The following VRTN variants were observed in gnomAD, a reference collection of about 807,000 sequenced individuals.
VRTN encodes the protein vertebrae development associated, also known as vertnin.
Under a neutral mutation model 18.2 loss-of-function variants are expected in VRTN, and 5 were observed. The ratio of observed to expected loss-of-function variants is 0.27; its 90% CI spans 0.14 to 0.58. The LOEUF (loss-of-function observed/expected upper bound fraction) is 0.58. VRTN is among the 20% of genes least tolerant of loss of function. The pLI, the probability that VRTN is intolerant of heterozygous loss-of-function variation, is 0.91. For synonymous variants in VRTN, 381 were observed against 393.7 expected (o/e 0.97, Z 0.38); for missense variants, 741 against 939.4 (o/e 0.79, Z 2.76).
upstream of VRTN, among the ~76,000 whole-genome samples, chr14:74,343,642 A>G (rs2085623152): frequency 6.6e-6 from 1 of 152,142 alleles, no homozygotes; most frequent in South Asian, 2.1e-4. Flanking sequence ...CATTAAATGG[A>G]GTTCATGCTA....
intron 1 of VRTN, among the ~76,000 whole-genome samples, chr14:74,354,347 T>C (rs955377498): frequency 3.3e-5 from 5 of 152,102 alleles, no homozygotes; most frequent in African/African-American, 1.2e-4. Flanking sequence ...AGCTTAGTTA[T>C]AATGTGGAAT....
intron 1 of VRTN, among the ~76,000 whole-genome samples, chr14:74,350,759 G>C (rs1171171038): frequency 6.6e-6 from 1 of 152,108 alleles, no homozygotes; most frequent in East Asian, 1.9e-4. Context: ...AGATAGCGTA[G>C]GTGTGATGGA....
rs757052817 is a variant in VRTN, at chr14:74,357,006, C to A, written c.223C>A (p.Leu75Met). ...TCCAGAAGATGCTCCACGGAACATGCTGCCGCTGGTGTGCAAGGGGGAGGG... is the reference window on the plus strand; with the variant it reads ...TCCAGAAGATGCTCCACGGAACATGATGCCGCTGGTGTGCAAGGGGGAGGG... The part of the protein sequence containing the change: ...LYPEDAPRNM[L>M]PLVCKGEGSL... The change falls in exon 2 of 2, where the codon CTG becomes ATG. Residue 75 changes from leucine to methionine, a missense_variant. By Grantham distance (15) the Leu-to-Met change is conservative. Around this residue, in one of 3 missense-constraint regions of VRTN, gnomAD observed 186 missense variants for 288.3 expected, o/e 0.65. Coordinates refer to ENST00000256362, the MANE Select transcript of VRTN (RefSeq NM_018228.3). This position sits in a 1 kb window ranked among gnomAD's most constrained non-coding sequence, Gnocchi z 7.8. 6.2e-7 allele frequency: 1 copy of A among 1,610,150 alleles called. No individual in the cohort carries two copies. Among genetic ancestry groups the A allele is most frequent in the Non-Finnish European group, 8.5e-7 (1 of 1,177,954 alleles).
At chr14:74,336,010 G>T (rs2085561519) in intron 1 of VRTN, among the ~76,000 whole-genome samples, 1 of 151,522 alleles carries the variant, frequency 6.6e-6, no homozygotes, top group African/African-American at 2.4e-5. Flanking sequence ...CAAAGTGCTG[G>T]TATTACAGGT....
chr14:74,344,750 A>AAAAAAAAAAT (rs1410658975), upstream of VRTN, among the ~76,000 whole-genome samples: 1 of 128,054 alleles, frequency 7.8e-6, no homozygotes. Flanking sequence ...AAAAAAAATG[A>AAAAAAAAAAT]AAAAAAGAAA....
rs67822776 is a variant in VRTN at position 74,303,843 on chromosome 14, A to ATTTTTTTTTTTTTT, written c.-164+679_-164+692dup. ...TAGGTCAATCAGTTGACAATTACAG[A>ATTTTTTTTTTTTTT]TTTTTTTTTTTTTTTTTTTTTTTTT... On this transcript the variant is annotated intron_variant, in intron 1 of 2. Transcript: ENST00000557177. Among the ~76,000 whole-genome samples the ATTTTTTTTTTTTTT allele has an allele frequency of 5.0e-4, 44 of 88,498 alleles. 2 individuals are homozygous for ATTTTTTTTTTTTTT. The highest frequency in any genetic ancestry group is 2.1e-3 in the African/African-American group (41 of 19,342). The allele number at this position is 88,498 out of a possible 152,430, so 58.1% of individuals were successfully genotyped here. A position where few individuals can be genotyped will look rare whatever the true frequency, so the allele number is the denominator to read the frequency against.
intron 1 of VRTN, among the ~76,000 whole-genome samples, chr14:74,349,660 C>A (rs949587020): frequency 6.6e-6 from 1 of 152,178 alleles, no homozygotes; most frequent in African/African-American, 2.4e-5. Context: ...CTTGGCCCAC[C>A]CAGATTCCTG....
upstream of VRTN, among the ~76,000 whole-genome samples, chr14:74,347,330 G>A (rs959737532): frequency 3.3e-5 from 5 of 152,226 alleles, no homozygotes; most frequent in Non-Finnish European, 5.9e-5. Flanking sequence ...ATTCCTGGTG[G>A]GTGGGGCGGG....
chr14:74,334,254 C>G (rs2085549261), intron 1 of VRTN, among the ~76,000 whole-genome samples: 2 of 152,182 alleles, frequency 1.3e-5, no homozygotes, highest in African/African-American at 4.8e-5. Context: ...CTAGGCTGGG[C>G]ACAGTGGCTC....
chr14:74,347,022 C>T (rs1386064156), upstream of VRTN, among the ~76,000 whole-genome samples: 2 of 152,162 alleles, frequency 1.3e-5, no homozygotes, highest in Non-Finnish European at 2.9e-5. Context: ...TTCTCCAAAA[C>T]TTTAAAAATA....
intron 1 of VRTN, among the ~76,000 whole-genome samples, chr14:74,334,956 A>G (rs1187825104): frequency 1.3e-5 from 2 of 152,178 alleles, no homozygotes; most frequent in African/African-American, 4.8e-5. Flanking sequence ...GCCTTCAAAG[A>G]AATCTAGTAG....
intron 1 of VRTN, among the ~76,000 whole-genome samples, chr14:74,324,281 G>A (rs1332454405): frequency 2.0e-5 from 3 of 150,578 alleles, no homozygotes; most frequent in East Asian, 2.0e-4. Context: ...CCAGCTACTC[G>A]GGAGGCTGAG....
At chr14:74,339,046 T>C (rs2085583647) in intron 2 of VRTN, among the ~76,000 whole-genome samples, 1 of 151,844 alleles carries the variant, frequency 6.6e-6, no homozygotes, top group African/African-American at 2.4e-5. Flanking sequence ...TTCTTTTTTT[T>C]TGAGACAGGG....
intron 1 of VRTN, among the ~76,000 whole-genome samples, chr14:74,306,279 A>G (rs1426418537): frequency 6.8e-6 from 1 of 147,748 alleles, no homozygotes; most frequent in African/African-American, 2.5e-5. Flanking sequence ...CAAGTGATCC[A>G]CCTCAGCCTC....
At chr14:74,327,700 T>C (rs762419687) in intron 1 of VRTN, among the ~76,000 whole-genome samples, 46 of 151,066 alleles carry the variant, frequency 3.0e-4, no homozygotes, top group Non-Finnish European at 1.2e-4. Flanking sequence ...TAAGCACTGG[T>C]TGATTTTATT....
chr14:74,324,997 A>G (rs1310980868), intron 1 of VRTN, among the ~76,000 whole-genome samples: 1 of 152,162 alleles, frequency 6.6e-6, no homozygotes, highest in Non-Finnish European at 1.5e-5. Flanking sequence ...TAGTAGGAAA[A>G]AAAAAAAGAG....
chr14:74,340,282 T>C (rs1000075418), intron 2 of VRTN, among the ~76,000 whole-genome samples: 23 of 152,298 alleles, frequency 1.5e-4, no homozygotes, highest in African/African-American at 5.5e-4. Context: ...CCGGCTAATT[T>C]TGTATTTTTA....
At chr14:74,347,055 T>G (rs938421812), upstream of VRTN, among the ~76,000 whole-genome samples, 1 of 152,222 alleles carries the variant, frequency 6.6e-6, no homozygotes, top group African/African-American at 2.4e-5. Context: ...ATTAAGAATT[T>G]AAACATAATT....
intron 1 of VRTN, among the ~76,000 whole-genome samples, chr14:74,309,933 T>C (rs1252007289): frequency 6.6e-6 from 1 of 152,184 alleles, no homozygotes; most frequent in African/African-American, 2.4e-5. Flanking sequence ...AATTCTCTTA[T>C]AAATATATTT....
Sources: gnomAD v4.1 joint callset for allele counts (sites outside exome capture counted in the v4.1 genomes callset) on GRCh38, gnomAD v4.1.1 for gene constraint, gnomAD v4.1.1 regional missense constraint, Gnocchi (gnomAD v3.1) non-coding constraint, MANE v1.5 for transcripts, NCBI Gene and HGNC (gene_info 2026-07-23, HGNC 2026-07-21) for gene names.